RSRC1: variants seen among roughly 807,000 people sequenced by gnomAD.
The protein encoded by RSRC1 is serine/Arginine-related protein 53.
RSRC1 carries 39 observed loss-of-function variants against 49.1 expected under a neutral mutation model. The observed-to-expected ratio is 0.79, with a 90% confidence interval of 0.61 to 1.04. RSRC1 has a LOEUF of 1.04. Ranked by LOEUF, RSRC1 falls within the 50% of genes least tolerant of loss-of-function variation. RSRC1 has a pLI of 0.00. For missense variants in RSRC1, 388 were observed against 402.4 expected, an observed-to-expected ratio of 0.96 and a Z score of 0.31; for synonymous variants, 143 against 130.8, an observed-to-expected ratio of 1.09 and a Z score of -0.63.
intron 5 of RSRC1, among the ~76,000 whole-genome samples, chr3:158,310,026 A>G (rs574687620): frequency 1.6e-3 from 247 of 151,866 alleles, no homozygotes; most frequent in African/African-American, 5.3e-3. Flanking sequence ...CATGTACTGC[A>G]TACAAGTTAG....
chr3:158,204,923 CAGAA>C (rs1206484062), intron 4 of RSRC1, among the ~76,000 whole-genome samples: 1 of 151,884 alleles, frequency 6.6e-6, no homozygotes, highest in Admixed American at 6.6e-5. Context: ...GTGAATAAAA[CAGAA>C]AGGTTAGATT....
intron 4 of RSRC1, among the ~76,000 whole-genome samples, chr3:158,251,980 G>C (rs774729173): frequency 3.9e-5 from 6 of 152,100 alleles, no homozygotes; most frequent in Non-Finnish European, 8.8e-5. Flanking sequence ...ATTACATTGA[G>C]ATATTTTCCT....
chr3:158,476,368 A>G (rs574962119), intron 7 of RSRC1, among the ~76,000 whole-genome samples: 88 of 152,316 alleles, frequency 5.8e-4, no homozygotes, highest in Non-Finnish European at 1.1e-3. Context: ...ACAGCCTTCT[A>G]TAGGAAGAAA....
At chr3:158,113,881 C>A (rs1300084041) in intron 1 of RSRC1, among the ~76,000 whole-genome samples, 1 of 151,710 alleles carries the variant, frequency 6.6e-6, no homozygotes, top group African/African-American at 2.4e-5. Context: ...GTTTAACTTC[C>A]TTATAGACTC....
At chr3:158,311,511 A>G (rs1194988383) in intron 5 of RSRC1, among the ~76,000 whole-genome samples, 1 of 151,946 alleles carries the variant, frequency 6.6e-6, no homozygotes, top group African/African-American at 2.4e-5. Context: ...ACTGACACAG[A>G]GAAAATTGCT....
intron 1 of RSRC1, among the ~76,000 whole-genome samples, chr3:158,120,160 T>C (rs1408400248): frequency 6.6e-6 from 1 of 152,138 alleles, no homozygotes; most frequent in Non-Finnish European, 1.5e-5. Flanking sequence ...CTGGAAAGTG[T>C]CGTGGTAATC....
chr3:158,502,073 C>A (rs1739628323), intron 7 of RSRC1, among the ~76,000 whole-genome samples: 1 of 152,128 alleles, frequency 6.6e-6, no homozygotes, highest in Admixed American at 6.5e-5. Context: ...ATGGCAAATT[C>A]TTCCAGCATT....
At position 158,285,438 on chromosome 3, in the gene RSRC1, T is replaced by C. The variant is rs1364571574; in HGVS notation, c.495-12601T>C. Among the ~76,000 whole-genome samples, 6 of 152,224 alleles carry C rather than the reference T, an allele frequency of 3.9e-5. No homozygotes were observed. In the South Asian group the frequency reaches 6.2e-4, roughly 16 times the overall value. On this transcript the variant is annotated intron_variant, in intron 4 of 9. Coordinates refer to ENST00000611884, the MANE Select transcript of RSRC1 (RefSeq NM_001271838.2). ...TTTGCCAATTCTGTGAAGAAAGTCATTGGTAGCTTGATAGGGATGGCATTG... is the reference window on the plus strand; with the variant it reads ...TTTGCCAATTCTGTGAAGAAAGTCACTGGTAGCTTGATAGGGATGGCATTG...
At chr3:158,300,872 A>AT (rs1727505356) in intron 5 of RSRC1, among the ~76,000 whole-genome samples, 1 of 152,198 alleles carries the variant, frequency 6.6e-6, no homozygotes, top group Non-Finnish European at 1.5e-5. Context: ...GCTACCAGGT[A>AT]ACATAGTTGC....
At chr3:158,204,207 C>A (rs1346695912) in intron 4 of RSRC1, among the ~76,000 whole-genome samples, 1 of 152,102 alleles carries the variant, frequency 6.6e-6, no homozygotes, top group African/African-American at 2.4e-5. Context: ...AGAACTCTTT[C>A]CTCATTCCTT....
intron 6 of RSRC1, among the ~76,000 whole-genome samples, chr3:158,384,105 G>A (rs1331557242): frequency 6.6e-6 from 1 of 152,108 alleles, no homozygotes; most frequent in Non-Finnish European, 1.5e-5. Context: ...AGTGAAGATA[G>A]TTTTCGAAAT....
At chr3:158,523,538 T>C (rs1231586451) in intron 7 of RSRC1, among the ~76,000 whole-genome samples, 1 of 152,092 alleles carries the variant, frequency 6.6e-6, no homozygotes, top group Non-Finnish European at 1.5e-5. Flanking sequence ...TAGACACTTT[T>C]GTAAGCAATG....
intron 3 of RSRC1, among the ~76,000 whole-genome samples, chr3:158,144,652 T>C (rs1716965013): frequency 6.6e-6 from 1 of 152,226 alleles, no homozygotes; most frequent in South Asian, 2.1e-4. Context: ...ATATACCCAG[T>C]AATGGGATTG....
intron 4 of RSRC1, among the ~76,000 whole-genome samples, chr3:158,218,574 T>C (rs1722075028): frequency 1.3e-5 from 2 of 151,710 alleles, no homozygotes; most frequent in Non-Finnish European, 3.0e-5. Context: ...GAGGATCTTT[T>C]GGGACTTTCA....
chr3:158,490,228 GC>G (rs1170054502), intron 7 of RSRC1, among the ~76,000 whole-genome samples: 1 of 152,118 alleles, frequency 6.6e-6, no homozygotes, highest in Admixed American at 6.5e-5. Context: ...GGTACTACAG[GC>G]ATCCGCCACC....
chr3:158,459,855 A>G (rs1320328167), intron 6 of RSRC1, among the ~76,000 whole-genome samples: 2 of 152,004 alleles, frequency 1.3e-5, no homozygotes, highest in African/African-American at 4.8e-5. Flanking sequence ...ACTTTAAGAA[A>G]GTGTCAATAT....
At chr3:158,236,879 G>T (rs1270530244) in intron 4 of RSRC1, among the ~76,000 whole-genome samples, 1 of 152,134 alleles carries the variant, frequency 6.6e-6, no homozygotes, top group Non-Finnish European at 1.5e-5. Context: ...AAGTTCATTG[G>T]CAGTAGTAAA....
At chr3:158,125,909 A>G (rs1327523081) in intron 3 of RSRC1, among the ~76,000 whole-genome samples, 1 of 152,064 alleles carries the variant, frequency 6.6e-6, no homozygotes, top group Non-Finnish European at 1.5e-5. Context: ...TATATATATA[A>G]TTGTTATATA....
rs1578461486 is a variant in RSRC1, at chr3:158,425,225, A to G, written c.584-35710A>G. ...TTGTCTTGTGGGCATTTAGTGCTAT[A>G]AATTTCCCTCTACACACTGCTTTGA... On this transcript the variant is annotated intron_variant, in intron 6 of 9. Transcript: ENST00000611884. Among the ~76,000 whole-genome samples the G allele has an allele frequency of 3.3e-5, 5 of 152,182 alleles. No individual in the cohort carries two copies. The South Asian group carries it at 8.3e-4, about 25-fold the overall frequency.
Sources: gnomAD v4.1 joint callset for allele counts (sites outside exome capture counted in the v4.1 genomes callset) on GRCh38, gnomAD v4.1.1 for gene constraint, MANE v1.5 for transcripts, NCBI Gene and HGNC (gene_info 2026-07-23, HGNC 2026-07-21) for gene names.